CFH: variants seen among roughly 807,000 people sequenced by gnomAD.
CFH encodes the protein complement factor H, also known as H factor 1 (complement).
Under a neutral mutation model 147.3 loss-of-function variants are expected in CFH, and 53 were observed. The observed-to-expected ratio is 0.36, with a 90% confidence interval of 0.29 to 0.45. CFH has a LOEUF of 0.45. Ranked by LOEUF, CFH falls within the 20% of genes least tolerant of loss-of-function variation. CFH has a pLI of 1.00. For missense variants in CFH, 1,380 were observed against 1,498.0 expected, an observed-to-expected ratio of 0.92 and a Z score of 1.30; for synonymous variants, 536 against 489.4, an observed-to-expected ratio of 1.10 and a Z score of -1.26.
intron 6 of CFH, among the ~76,000 whole-genome samples, chr1:196,680,800 A>G (rs1244937982): frequency 1.3e-5 from 2 of 151,952 alleles, no homozygotes; most frequent in African/African-American, 2.4e-5. Flanking sequence ...CCTCTTTTAC[A>G]AAAGAATAGT....
chr1:196,728,594 T>C, intron 15 of CFH, 72 bp downstream of exon 15: 4 of 1,441,928 alleles, frequency 2.8e-6, no homozygotes, highest in Non-Finnish European at 3.9e-6. Flanking sequence ...TGTGTGTCTT[T>C]TAAAAACTTT....
rs552871264 is a variant in CFH at position 196,738,893 on chromosome 1, C to T, written c.2782+1233C>T. ...AGCAGAGGTTCTCCATGTGGGCTCCCCCCTGCAGCAAACTTCTGCCTGGAC... is the reference window on the plus strand; with the variant it reads ...AGCAGAGGTTCTCCATGTGGGCTCCTCCCTGCAGCAAACTTCTGCCTGGAC... On this transcript the variant is annotated intron_variant, in intron 17 of 21. Coordinates refer to ENST00000367429, the MANE Select transcript of CFH (RefSeq NM_000186.4). 7.4e-4 allele frequency among the ~76,000 whole-genome samples: 112 copies of T among 152,346 alleles called. 2 individuals are homozygous for T. Among genetic ancestry groups the T allele is most frequent in the Middle Eastern group, 3.4e-3 (1 of 294 alleles).
chr1:196,692,483 G>T (rs12405238), intron 9 of CFH: 59,592 of 247,880 alleles, frequency 0.24, 7,776 homozygotes, highest in East Asian at 0.51. Context: ...GCTGATTGTA[G>T]AATCAACTAC....
rs189265450 is a variant in CFH at position 196,712,648 on chromosome 1, G to A, written c.1337-1087G>A. 6.8e-3 allele frequency among the ~76,000 whole-genome samples: 1,020 copies of A among 150,714 alleles called. 7 individuals are homozygous for A. The highest frequency in any genetic ancestry group is 0.023 in the African/African-American group (949 of 40,980). ...ATTATTATTATACTTTAAGTTTTAGGGTACATGTGCACAATGTGCAGGTTA... is the reference window on the plus strand; with the variant it reads ...ATTATTATTATACTTTAAGTTTTAGAGTACATGTGCACAATGTGCAGGTTA... On this transcript the variant is annotated intron_variant, in intron 9 of 21. Coordinates refer to ENST00000367429, the MANE Select transcript of CFH (RefSeq NM_000186.4).
chr1:196,739,120 G>A (rs1269340220), intron 17 of CFH, among the ~76,000 whole-genome samples: 1 of 152,188 alleles, frequency 6.6e-6, no homozygotes, highest in Admixed American at 6.5e-5. Context: ...CAGTCCTGAG[G>A]CTGCATAGAG....
chr1:196,742,022 G>A lies in CFH; in HGVS notation c.3104G>A (p.Ser1035Asn), dbSNP rs1421267465. The change falls in exon 19 of 22, where the codon AGC becomes AAC. Residue 1035 changes from serine to asparagine, a missense_variant. By Grantham distance (46) the Ser-to-Asn change is conservative (BLOSUM62 1). Coordinates refer to ENST00000367429, the MANE Select transcript of CFH (RefSeq NM_000186.4). ...GCCAGTAATGTAACATGCATTAATA[G>A]CAGATGGACAGGAAGGCCAACATGC... The part of the protein sequence containing the change: ...DGASNVTCIN[S>N]RWTGRPTCRD... 2.5e-6 allele frequency: 4 copies of A among 1,614,124 alleles called. No homozygotes were observed. The highest frequency in any genetic ancestry group is 1.6e-4 in the Middle Eastern group (1 of 6,062).
intron 20 of CFH, 41 bp downstream of exon 20, chr1:196,743,669 G>A (rs1652897208): frequency 1.2e-6 from 2 of 1,612,576 alleles, no homozygotes; most frequent in East Asian, 4.5e-5. Flanking sequence ...GGGGAGTATA[G>A]CAGGGTTAAA....
At chr1:196,697,670 A>T (rs1668318549) in intron 9 of CFH, among the ~76,000 whole-genome samples, 1 of 152,158 alleles carries the variant, frequency 6.6e-6, no homozygotes, top group South Asian at 2.1e-4. Flanking sequence ...TACACAAAGG[A>T]TTATAAATCA....
chr1:196,720,217 A>T (rs570571650), intron 11 of CFH, among the ~76,000 whole-genome samples: 5 of 152,126 alleles, frequency 3.3e-5, no homozygotes, highest in East Asian at 1.9e-4. Context: ...CAGTTCTATT[A>T]TAAATTTAAC....
chr1:196,652,046 A>G lies in CFH; in HGVS notation c.-72A>G. 9.2e-7 allele frequency: 1 copy of G among 1,090,884 alleles called. No homozygotes were observed. Among genetic ancestry groups the G allele is most frequent in the Non-Finnish European group, 1.4e-6 (1 of 704,384 alleles). The allele number at this position is 1,090,884 out of a possible 1,614,324, so 67.6% of individuals were successfully genotyped here. On this transcript the variant is annotated 5_prime_UTR_variant, in exon 1 of 22. Transcript: ENST00000367429. ...CAAGTTCTTTCCTGCACTAATCACA[A>G]TTCTTGGAAGAGGAGAACTGGACGT...
Position 196,725,138 on chromosome 1 carries a change from C to T in CFH, c.1714C>T (p.Pro572Ser). The T allele has an allele frequency of 6.2e-7, 1 of 1,613,356 alleles. No homozygotes were observed. The highest frequency in any genetic ancestry group is 8.5e-7 in the Non-Finnish European group (1 of 1,179,588). ...TTTTCAAGAAAGAGAATGCGAACTTCCTAAAATAGATGTACACTTAGTTCC... is the reference window on the plus strand; with the variant it reads ...TTTTCAAGAAAGAGAATGCGAACTTTCTAAAATAGATGTACACTTAGTTCC... Reference protein sequence around the residue: ...PICYERECELPKIDVHLVPDR... With the variant: ...PICYERECELSKIDVHLVPDR... Residue 572 changes from proline to serine, a missense_variant, in exon 12 of 22, where the codon CCT (proline) becomes TCT (serine). Around this residue, in one of 4 missense-constraint regions of CFH, gnomAD observed 830 missense variants for 821.4 expected, o/e 1.01. Transcript: ENST00000367429.
At chr1:196,714,955 A>G (rs1328372508) in intron 10 of CFH, among the ~76,000 whole-genome samples, 2 of 151,658 alleles carry the variant, frequency 1.3e-5, no homozygotes, top group Admixed American at 6.6e-5. Context: ...CCTGCCTCTC[A>G]GTAATATATT....
intron 1 of CFH, among the ~76,000 whole-genome samples, chr1:196,666,658 A>G (rs746117697): frequency 6.6e-6 from 1 of 151,586 alleles, no homozygotes; most frequent in African/African-American, 2.4e-5. Flanking sequence ...AAAAAAACCC[A>G]AAAAATAGCC....
At chr1:196,736,747 C>T in intron 15 of CFH, 77 bp from the exon 16 acceptor site, 1 of 672,046 alleles carries the variant, frequency 1.5e-6, no homozygotes, top group Non-Finnish European at 2.0e-6. Context: ...AATTATTTTT[C>T]ATCAAAAATT....
At position 196,726,761 on chromosome 1, in the gene CFH, T is replaced by A; in HGVS notation, c.2057T>A (p.Val686Glu). 6.2e-7 allele frequency: 1 copy of A among 1,613,770 alleles called. No individual in the cohort carries two copies. Among genetic ancestry groups the A allele is most frequent in the South Asian group, 1.1e-5 (1 of 91,080 alleles). ...GEWTTLPVCI[V>E]EESTCGDIPE... ...AACTTTTTTTGTAAAATTTACATAG[T>A]GGAGGAGAGTACCTGTGGAGATATA... The change falls in exon 14 of 22, where the codon GTG becomes GAG. Residue 686 changes from valine to glutamate, a missense_variant and splice_region_variant. This residue lies in a region of CFH where 830 missense variants were observed against 821.4 expected (regional missense o/e 1.01). Coordinates refer to ENST00000367429, the MANE Select transcript of CFH (RefSeq NM_000186.4).
chr1:196,692,344 T>C (rs1668056376), intron 9 of CFH: 2 of 742,258 alleles, frequency 2.7e-6, no homozygotes, highest in South Asian at 6.3e-5. Context: ...CAGTGTCAGA[T>C]GATCCCATTA....
At position 196,741,966 on chromosome 1, in the gene CFH, C is replaced by A. The variant is rs751411088; in HGVS notation, c.3048C>A (p.Tyr1016Ter). 1 of 1,614,150 alleles carries A rather than the reference C, an allele frequency of 6.2e-7. No individual in the cohort carries two copies. Among genetic ancestry groups the A allele is most frequent in the Admixed American group, 1.7e-5 (1 of 60,028 alleles). The stretch of plus-strand genomic sequence containing the variant: ...ATAAGGCGGGTGAGCAAGTGACTTA[C>A]ACTTGTGCAACATATTACAAAATGG... ...DVYKAGEQVT[Y>*]TCATYYKMDG... Residue 1016 changes from tyrosine to a stop codon, truncating the protein, a stop_gained, in exon 19 of 22, where the codon TAC becomes TAA. Transcript: ENST00000367429. LOFTEE classifies it high-confidence loss of function.
intron 9 of CFH, 29 bp downstream of exon 9, chr1:196,690,268 T>C (rs1234607970): frequency 1.2e-6 from 2 of 1,611,666 alleles, no homozygotes; most frequent in African/African-American, 1.3e-5. Context: ...AATCCTAGCA[T>C]GTTCATGTCT....
chr1:196,702,198 G>A (rs139273318), intron 9 of CFH, among the ~76,000 whole-genome samples: 86 of 152,196 alleles, frequency 5.7e-4, no homozygotes, highest in East Asian at 9.7e-4. Context: ...CACTACTGGC[G>A]CCTCTCCAGA....
Sources: gnomAD v4.1 joint callset for allele counts (sites outside exome capture counted in the v4.1 genomes callset) on GRCh38, gnomAD v4.1.1 for gene constraint, gnomAD v4.1.1 regional missense constraint, MANE v1.5 for transcripts, NCBI Gene and HGNC (gene_info 2026-07-23, HGNC 2026-07-21) for gene names.